DPYD: variants seen among roughly 807,000 people sequenced by gnomAD.
DPYD encodes dihydropyrimidine dehydrogenase, also known as dihydropyrimidine dehydrogenase [NADP(+)].
Under a neutral mutation model 116.2 loss-of-function variants are expected in DPYD, and 109 were observed. The observed-to-expected ratio is 0.94, with a 90% CI of 0.80 to 1.10. DPYD has a LOEUF of 1.10. Ranked by LOEUF, DPYD falls within the 50% of genes least tolerant of loss-of-function variation. The probability of loss-of-function intolerance (pLI) is 0.00; values close to 1 mark genes in which losing one functional copy is unlikely to be tolerated. For synonymous variants in DPYD, 440 were observed against 432.0 expected (o/e 1.02, Z -0.23); for missense variants, 1,302 against 1,254.5 (o/e 1.04, Z -0.57).
chr1:97,491,705 A>G (rs1277147745), intron 13 of DPYD, among the ~76,000 whole-genome samples: 1 of 152,136 alleles, frequency 6.6e-6, no homozygotes, highest in Non-Finnish European at 1.5e-5. Context: ...CAATATGAAA[A>G]TATTTAAAAC....
chr1:97,160,774 T>C (rs559327566), intron 20 of DPYD, among the ~76,000 whole-genome samples: 115 of 152,234 alleles, frequency 7.6e-4, no homozygotes, highest in Non-Finnish European at 1.2e-3. Context: ...ATGACTGGGA[T>C]TCCATAATGT....
Position 97,773,491 on chromosome 1 carries a change from C to A in DPYD, c.234-33012G>T, listed in dbSNP as rs111288899. On this transcript the variant is annotated intron_variant, in intron 3 of 22. Coordinates refer to ENST00000370192, the MANE Select transcript of DPYD (RefSeq NM_000110.4). ...AGTGAGAACAGCACTCCTATTTTCA[C>A]GTCCGAATGTTCCATTTTCCAAGAC... 6.7e-3 allele frequency among the ~76,000 whole-genome samples: 1,020 copies of A among 152,278 alleles called. 15 individuals are homozygous for A. The highest frequency in any genetic ancestry group is 0.023 in the African/African-American group (955 of 41,556).
At chr1:97,509,870 G>T (rs1367419751) in intron 13 of DPYD, among the ~76,000 whole-genome samples, 1 of 151,786 alleles carries the variant, frequency 6.6e-6, no homozygotes, top group East Asian at 1.9e-4. Context: ...AAAAATAAAA[G>T]AAATCTGTTT....
intron 19 of DPYD, among the ~76,000 whole-genome samples, chr1:97,218,854 T>C (rs561884241): frequency 8.5e-5 from 13 of 152,098 alleles, no homozygotes; most frequent in Non-Finnish European, 1.2e-4. Flanking sequence ...TAATTGTAAA[T>C]AGGCCTATAT....
chr1:97,126,437 C>T (rs1256312230), intron 20 of DPYD, among the ~76,000 whole-genome samples: 1 of 152,108 alleles, frequency 6.6e-6, no homozygotes, highest in Admixed American at 6.6e-5. Flanking sequence ...AATCAAATTC[C>T]TTGCAGGCCC....
intron 18 of DPYD, among the ~76,000 whole-genome samples, chr1:97,289,551 G>A (rs1665984556): frequency 6.6e-6 from 1 of 151,520 alleles, no homozygotes; most frequent in African/African-American, 2.4e-5. Flanking sequence ...ATCAATAAAT[G>A]TAATCCAGCA....
intron 14 of DPYD, among the ~76,000 whole-genome samples, chr1:97,400,666 G>C (rs979961322): frequency 6.6e-6 from 1 of 152,058 alleles, no homozygotes; most frequent in East Asian, 1.9e-4. Flanking sequence ...CTTCTTCCTG[G>C]TTTAGTCTTG....
At chr1:97,862,243 A>T (rs747037555) in intron 2 of DPYD, among the ~76,000 whole-genome samples, 5 of 151,920 alleles carry the variant, frequency 3.3e-5, no homozygotes, top group Non-Finnish European at 7.4e-5. Flanking sequence ...AAAGCATTTA[A>T]CACTTGATAG....
At chr1:97,408,902 A>T (rs1477923084) in intron 14 of DPYD, among the ~76,000 whole-genome samples, 3 of 151,996 alleles carry the variant, frequency 2.0e-5, no homozygotes, top group African/African-American at 7.2e-5. Flanking sequence ...GGACTCTTGG[A>T]CTTACACTAT....
intron 18 of DPYD, among the ~76,000 whole-genome samples, chr1:97,293,198 G>A (rs964102069): frequency 3.9e-5 from 6 of 152,150 alleles, no homozygotes; most frequent in Non-Finnish European, 7.4e-5. Context: ...TAATCTCAGT[G>A]TTATATTTAT....
intron 2 of DPYD, among the ~76,000 whole-genome samples, chr1:97,859,373 T>C (rs966316753): frequency 1.3e-5 from 2 of 152,318 alleles, no homozygotes; most frequent in African/African-American, 4.8e-5. Context: ...GATTCATTCC[T>C]TATCTATAAA....
At chr1:97,181,252 T>C (rs749600207) in intron 20 of DPYD, among the ~76,000 whole-genome samples, 3 of 152,028 alleles carry the variant, frequency 2.0e-5, no homozygotes, top group African/African-American at 2.4e-5. Flanking sequence ...AGAAACCAAG[T>C]TGGGGAGGCT....
chr1:97,869,732 C>T (rs934347575), intron 2 of DPYD, among the ~76,000 whole-genome samples: 1 of 151,754 alleles, frequency 6.6e-6, no homozygotes, highest in Non-Finnish European at 1.5e-5. Context: ...TATCTTCCCA[C>T]AATTTATCAC....
intron 8 of DPYD, among the ~76,000 whole-genome samples, chr1:97,645,704 T>C (rs1374620167): frequency 6.6e-6 from 1 of 152,100 alleles, no homozygotes; most frequent in African/African-American, 2.4e-5. Flanking sequence ...AATATGGTCT[T>C]TCCTTACTAC....
chr1:97,692,245 G>A (rs1005252417), intron 6 of DPYD, among the ~76,000 whole-genome samples: 1 of 151,766 alleles, frequency 6.6e-6, no homozygotes, highest in African/African-American at 2.4e-5. Flanking sequence ...GTCTATAAAT[G>A]TACTTCTAGC....
intron 13 of DPYD, among the ~76,000 whole-genome samples, chr1:97,498,370 T>C (rs1679388543): frequency 6.6e-6 from 1 of 151,734 alleles, no homozygotes; most frequent in Non-Finnish European, 1.5e-5. Flanking sequence ...ACACTAAATA[T>C]TATATTTTCG....
intron 18 of DPYD, among the ~76,000 whole-genome samples, chr1:97,246,251 C>G (rs1014017984): frequency 6.6e-6 from 1 of 152,144 alleles, no homozygotes; most frequent in African/African-American, 2.4e-5. Flanking sequence ...TTGTACCCAG[C>G]ACCATGGCTG....
rs558354142 is a variant in DPYD, at chr1:97,515,748, G to A, written c.1718C>T (p.Thr573Ile). Residue 573 changes from threonine (T) to isoleucine (I), a missense_variant, in exon 13 of 23, where the codon ACC (threonine) becomes ATC (isoleucine). Physicochemically the swap from Thr to Ile is moderately conservative, Grantham distance 89 (BLOSUM62 -1). Transcript: ENST00000370192. ...AFEAGWGFALTKTFSLDKDIV... is the reference protein window; with the variant it reads ...AFEAGWGFALIKTFSLDKDIV... Reference sequence around the variant, plus strand: ...TACCTTATCAAGAGAGAAAGTTTTGGTGAGGGCAAAACCCCATCCAGCTTC... The same window carrying A: ...TACCTTATCAAGAGAGAAAGTTTTGATGAGGGCAAAACCCCATCCAGCTTC... 26 of 1,612,572 alleles carry A rather than the reference G, an allele frequency of 1.6e-5. No homozygotes were observed. The South Asian group carries it at 2.3e-4, about 14-fold the overall frequency.
intron 14 of DPYD, among the ~76,000 whole-genome samples, chr1:97,426,120 G>T (rs1309464930): frequency 6.6e-6 from 1 of 151,954 alleles, no homozygotes; most frequent in East Asian, 1.9e-4. Flanking sequence ...GAGGGTAGCA[G>T]AATCAGAAAT....
Sources: gnomAD v4.1 joint callset for allele counts (sites outside exome capture counted in the v4.1 genomes callset) on GRCh38, gnomAD v4.1.1 for gene constraint, MANE v1.5 for transcripts, NCBI Gene and HGNC (gene_info 2026-07-23, HGNC 2026-07-21) for gene names.